Variants in NLRP9 observed in about 807,000 individuals in gnomAD.
NLRP9 encodes NLR family pyrin domain containing 9.
In NLRP9, 88 loss-of-function variants were observed where a neutral mutation model predicts 83.1. The observed-to-expected ratio is 1.06, with a 90% confidence interval of 0.89 to 1.26. The LOEUF is 1.26. Among genes scored for constraint, NLRP9 ranks in the 50% most tolerant of loss-of-function variants. NLRP9 has a pLI of 0.00. For missense variants in NLRP9, 1,308 were observed against 1,179.3 expected (o/e 1.11, Z -1.60); for synonymous variants, 521 against 447.6 (o/e 1.16, Z -2.07).
At chr19:55,720,485 C>A (rs1037542979) in intron 4 of NLRP9, among the ~76,000 whole-genome samples, 4 of 152,068 alleles carry the variant, frequency 2.6e-5, no homozygotes, top group Non-Finnish European at 4.4e-5. Context: ...CACCACCATA[C>A]CTAGATAATT....
At chr19:55,736,147 T>A (rs1988778807) in intron 1 of NLRP9, among the ~76,000 whole-genome samples, 1 of 151,878 alleles carries the variant, frequency 6.6e-6, no homozygotes, top group South Asian at 2.1e-4. Context: ...ATCCCAGCAC[T>A]TTGGGAGGCT....
At chr19:55,725,067 A>G (rs1172784991) in intron 3 of NLRP9, among the ~76,000 whole-genome samples, 1 of 152,178 alleles carries the variant, frequency 6.6e-6, no homozygotes. Context: ...CTCAAAAAAA[A>G]GAAATGAGCA....
intron 4 of NLRP9, among the ~76,000 whole-genome samples, chr19:55,719,904 G>A (rs1051309544): frequency 3.9e-5 from 6 of 152,156 alleles, no homozygotes; most frequent in African/African-American, 1.4e-4. Context: ...GACACATTAA[G>A]CACATTGCCT....
chr19:55,720,268 A>G (rs538896897), intron 4 of NLRP9, among the ~76,000 whole-genome samples: 83 of 152,326 alleles, frequency 5.4e-4, no homozygotes, highest in Middle Eastern at 6.8e-3. Context: ...GCATGGTACA[A>G]TAAGACTTTG....
At chr19:55,734,363 CAAAAAAAAAAAAA>C (rs59545375) in intron 1 of NLRP9, among the ~76,000 whole-genome samples, 3 of 76,694 alleles carry the variant, frequency 3.9e-5, no homozygotes, top group Non-Finnish European at 4.7e-5. Flanking sequence ...CACTCTATCT[CAAAAAAAAAAAAA>C]AAAAAAAAAA....
chr19:55,720,235 A>G (rs1988182761), intron 4 of NLRP9, among the ~76,000 whole-genome samples: 1 of 152,170 alleles, frequency 6.6e-6, no homozygotes, highest in Admixed American at 6.5e-5. Flanking sequence ...CACTTACTCA[A>G]AGTAGGTCAT....
chr19:55,714,392 C>A (rs1987926347), intron 6 of NLRP9, among the ~76,000 whole-genome samples: 1 of 151,928 alleles, frequency 6.6e-6, no homozygotes, highest in African/African-American at 2.4e-5. Context: ...TTTAAGGAGG[C>A]TCTAGCTATC....
intron 2 of NLRP9, among the ~76,000 whole-genome samples, chr19:55,730,444 C>A (rs147084933): frequency 0.02 from 3,009 of 147,768 alleles, 34 homozygotes; most frequent in Non-Finnish European, 0.03. Context: ...CAGAGCTAGA[C>A]CCTGCCTCAA....
chr19:55,718,963 T>C (rs1988130309), intron 4 of NLRP9, among the ~76,000 whole-genome samples: 1 of 152,190 alleles, frequency 6.6e-6, no homozygotes, highest in African/African-American at 2.4e-5. Context: ...TTTATTAAAT[T>C]GAGAGTCAGA....
intron 3 of NLRP9, among the ~76,000 whole-genome samples, chr19:55,725,191 CTA>C (rs1988362692): frequency 6.6e-6 from 1 of 152,084 alleles, no homozygotes; most frequent in Non-Finnish European, 1.5e-5. Flanking sequence ...AAATATGTGT[CTA>C]TAAGCCAGAT....
At chr19:55,722,917 T>G (rs769641914) in intron 4 of NLRP9, among the ~76,000 whole-genome samples, 3 of 152,096 alleles carry the variant, frequency 2.0e-5, no homozygotes, top group Non-Finnish European at 4.4e-5. Context: ...AAACACTGCC[T>G]GTTCTCACTC....
At chr19:55,737,969 C>A (rs1988829517) in intron 1 of NLRP9, 126 bp downstream of exon 1, 2 of 923,174 alleles carry the variant, frequency 2.2e-6, no homozygotes, top group Non-Finnish European at 3.4e-6. Flanking sequence ...CTCTTCCTAC[C>A]TTCAACTCTC....
chr19:55,729,824 A>C lies in NLRP9; in HGVS notation c.1994+7T>G. ...TTGCTTAAAGGACAGGTTAACATAA[A>C]ACTTACATGAGTTTTCGGAGTTTAC... On this transcript the variant is annotated splice_region_variant and intron_variant, in intron 3 of 8. Transcript: ENST00000332836. The C allele has an allele frequency of 6.2e-7, 1 of 1,607,990 alleles. No homozygotes were observed. Among genetic ancestry groups the C allele is most frequent in the Non-Finnish European group, 8.5e-7 (1 of 1,177,372 alleles).
At position 55,716,782 on chromosome 19, in the gene NLRP9, ATTCC is replaced by A; in HGVS notation, c.2272_2275del (p.Gly758Ter). 1 of 1,613,942 alleles carries A rather than the reference ATTCC, an allele frequency of 6.2e-7. No individual in the cohort carries two copies. The highest frequency in any genetic ancestry group is 8.5e-7 in the Non-Finnish European group (1 of 1,179,946). On this transcript the variant is annotated frameshift_variant, in exon 5 of 9. Transcript: ENST00000332836. LOFTEE classifies it high-confidence loss of function. Reference sequence around the variant, plus strand: ...CTTCAGGGCTTCACACAGCAACGTCATTCCTTCGTCCCTCAAGGGATTTTCTACC... The same window carrying A: ...CTTCAGGGCTTCACACAGCAACGTCATTCGTCCCTCAAGGGATTTTCTACC...
Position 55,733,193 on chromosome 19 carries a change from A to C in NLRP9, c.638T>G (p.Ile213Ser), listed in dbSNP as rs1167668626. 1.9e-6 allele frequency: 3 copies of C among 1,613,754 alleles called. No individual in the cohort carries two copies. The highest frequency in any genetic ancestry group is 2.7e-5 in the African/African-American group (2 of 75,034). ...SRDWPESSEK[I>S]EDIFSQPERI... Reference sequence around the variant, plus strand: ...CTCTGGCTGGGAAAAAATGTCTTCGATCTTCTCTGAAGACTCCGGCCAGTC... The same window carrying C: ...CTCTGGCTGGGAAAAAATGTCTTCGCTCTTCTCTGAAGACTCCGGCCAGTC... Residue 213 changes from isoleucine to serine, a missense_variant, in exon 2 of 9, where the codon ATC becomes AGC. Ile to Ser is a moderately radical substitution (Grantham distance 142, BLOSUM62 -2). Transcript: ENST00000332836.
At chr19:55,725,435 CAG>C (rs914042263) in intron 3 of NLRP9, among the ~76,000 whole-genome samples, 17 of 152,126 alleles carry the variant, frequency 1.1e-4, no homozygotes, top group African/African-American at 3.4e-4. Context: ...TAAGAAATGA[CAG>C]AGAATTTTAA....
chr19:55,709,219 C>T (rs1239041206), intron 8 of NLRP9, 175 bp from the exon 9 acceptor site: 2 of 433,426 alleles, frequency 4.6e-6, no homozygotes, highest in East Asian at 3.8e-5. Context: ...TAGGAAGCCT[C>T]TGATTTATAC....
intron 8 of NLRP9, among the ~76,000 whole-genome samples, chr19:55,711,147 T>TA (rs1987702595): frequency 6.6e-6 from 1 of 152,020 alleles, no homozygotes; most frequent in South Asian, 2.1e-4. Flanking sequence ...GAACTTTTCT[T>TA]AGAGACACTA....
Position 55,712,322 on chromosome 19 carries a change from C to CT in NLRP9, c.2672+97dup. The CT allele has an allele frequency of 3.7e-6, 4 of 1,067,058 alleles. No homozygotes were observed. In the South Asian group the frequency reaches 5.9e-5, roughly 16 times the overall value. The allele number at this position is 1,067,058 out of a possible 1,614,324, so 66.1% of individuals were successfully genotyped here. ...TATCAGATCGTCCCAGAGGGACTTG[C>CT]TTTTAAACCTGCCTCCCTTCCATTC... is the stretch of plus-strand genomic sequence containing the variant. On this transcript the variant is annotated intron_variant, in intron 7 of 8. Transcript: ENST00000332836.
Sources: gnomAD v4.1 joint callset for allele counts (sites outside exome capture counted in the v4.1 genomes callset) on GRCh38, gnomAD v4.1.1 for gene constraint, MANE v1.5 for transcripts, NCBI Gene and HGNC (gene_info 2026-07-23, HGNC 2026-07-21) for gene names.